Variants in CELF2 observed in about 807,000 individuals in gnomAD.
CELF2 encodes CUGBP Elav-like family member 2, also known as CUG triplet repeat RNA-binding protein 2.
A neutral mutation model predicts 62.6 loss-of-function variants in CELF2; 8 were observed. The ratio of observed to expected loss-of-function variants is 0.13; its 90% CI spans 0.07 to 0.23. The LOEUF is 0.23. CELF2 is among the 10% of genes least tolerant of loss of function. The pLI is 1.00. For missense variants in CELF2, 333 were observed against 671.0 expected (o/e 0.50, Z 5.56); for synonymous variants, 258 against 250.0 (o/e 1.03, Z -0.30).
the CELF2 span, among the ~76,000 whole-genome samples, chr10:10,674,853 TATA>T: frequency 6.6e-6 from 1 of 152,186 alleles, no homozygotes; most frequent in Non-Finnish European, 1.5e-5. Context: ...GTGAATACCT[TATA>T]ATAACAAAAC....
chr10:10,500,565 C>A, the CELF2 span, among the ~76,000 whole-genome samples: 147,559 of 152,270 alleles, frequency 0.97, 71,655 homozygotes, highest in Non-Finnish European at 1. Flanking sequence ...TTTTGCCTTC[C>A]ACCATGATTG....
In CELF2 at chr10:11,321,901, T is replaced by C. The variant is rs759305447; in HGVS notation, c.1294+515T>C. ...AAGGGTTATGGCATCTCTGCAGATC[T>C]AAGTCCAGGAAAGTTGATCACCTTT... On this transcript the variant is annotated intron_variant, in intron 11 of 12. Transcript: ENST00000633077. This position sits in a 1 kb window ranked among gnomAD's most constrained non-coding sequence, Gnocchi z 6.2. Among the ~76,000 whole-genome samples the C allele has an allele frequency of 1.9e-4, 29 of 152,330 alleles. No homozygotes were observed. Among genetic ancestry groups the C allele is most frequent in the Non-Finnish European group, 3.4e-4 (23 of 68,032 alleles).
intron 3 of CELF2, among the ~76,000 whole-genome samples, chr10:11,234,410 C>G (rs149255607): frequency 6.6e-6 from 1 of 152,182 alleles, no homozygotes; most frequent in East Asian, 1.9e-4. Context: ...TGGCTGGGCG[C>G]GGTGGCTCAC....
chr10:10,594,310 A>G, the CELF2 span, among the ~76,000 whole-genome samples: 1 of 152,206 alleles, frequency 6.6e-6, no homozygotes, highest in South Asian at 2.1e-4. Flanking sequence ...ATTTAGAAAG[A>G]AAAAGTGATT....
chr10:10,780,166 T>C, the CELF2 span, among the ~76,000 whole-genome samples: 1 of 152,384 alleles, frequency 6.6e-6, no homozygotes, highest in South Asian at 2.1e-4. Context: ...TTTTCAATCA[T>C]GAACTTGGAC....
rs553559906 is a variant in CELF2 at position 10,979,373 on chromosome 10, T to C, written c.89+59374T>C. Among the ~76,000 whole-genome samples, 4 of 152,204 alleles carry C rather than the reference T, an allele frequency of 2.6e-5. No homozygotes were observed. The East Asian group carries it at 7.7e-4, about 29-fold the overall frequency. ...TAATTATGAGTGATAATAATTCTAA[T>C]AAAAATTACATCAGAAGCCTGACGC... On this transcript the variant is annotated intron_variant, in intron 2 of 13. Transcript: ENST00000636488.
the CELF2 span, among the ~76,000 whole-genome samples, chr10:10,770,555 G>A: frequency 6.6e-6 from 1 of 151,978 alleles, no homozygotes; most frequent in South Asian, 2.1e-4. Flanking sequence ...TAAATAGGAA[G>A]GAGGAAACAG....
At chr10:10,732,803 C>T in the CELF2 span, among the ~76,000 whole-genome samples, 53 of 152,278 alleles carry the variant, frequency 3.5e-4, no homozygotes, top group East Asian at 8.9e-3. Flanking sequence ...GGATTACAGG[C>T]GTGAGCCACC....
At chr10:11,292,114 C>G (rs1388682529) in intron 9 of CELF2, among the ~76,000 whole-genome samples, 1 of 152,082 alleles carries the variant, frequency 6.6e-6, no homozygotes, top group African/African-American at 2.4e-5. Context: ...TTTTTTCATT[C>G]CCACCATTGA....
At chr10:11,313,135 G>T (rs1591309620) in intron 9 of CELF2, among the ~76,000 whole-genome samples, 1 of 152,174 alleles carries the variant, frequency 6.6e-6, no homozygotes, top group South Asian at 2.1e-4. Flanking sequence ...AAAACAGCCG[G>T]CTTTCTTACA....
intron 1 of CELF2, among the ~76,000 whole-genome samples, chr10:10,807,748 T>C (rs2055382324): frequency 6.6e-6 from 1 of 152,214 alleles, no homozygotes; most frequent in African/African-American, 2.4e-5. Flanking sequence ...TAAAACATAA[T>C]AATCATTCCT....
At chr10:10,499,440 T>A in the CELF2 span, among the ~76,000 whole-genome samples, 1 of 152,172 alleles carries the variant, frequency 6.6e-6, no homozygotes, top group Non-Finnish European at 1.5e-5. Context: ...CTAAACTTAC[T>A]AGTAATTCAC....
the CELF2 span, among the ~76,000 whole-genome samples, chr10:10,775,799 T>C: frequency 6.6e-6 from 1 of 152,196 alleles, no homozygotes; most frequent in Non-Finnish European, 1.5e-5. Context: ...TGTAAAGAGA[T>C]CATTCTGGTT....
the CELF2 span, among the ~76,000 whole-genome samples, chr10:10,728,109 G>A: frequency 6.6e-5 from 10 of 151,560 alleles, no homozygotes; most frequent in African/African-American, 2.4e-4. Context: ...CTTGAAAAAT[G>A]AGAATGATTT....
chr10:10,874,705 G>C (rs1009438854), intron 1 of CELF2, among the ~76,000 whole-genome samples: 3 of 152,082 alleles, frequency 2.0e-5, no homozygotes, highest in Non-Finnish European at 4.4e-5. Context: ...ATTCCTGAAG[G>C]CTCAACTCAA....
At chr10:10,941,456 G>C (rs1232767711) in intron 2 of CELF2, among the ~76,000 whole-genome samples, 1 of 152,156 alleles carries the variant, frequency 6.6e-6, no homozygotes, top group African/African-American at 2.4e-5. Context: ...TTAATTTCTG[G>C]TTGGCAGTGG....
intron 1 of CELF2, among the ~76,000 whole-genome samples, chr10:10,810,801 C>T (rs190814328): frequency 5.9e-5 from 9 of 152,288 alleles, no homozygotes; most frequent in East Asian, 3.9e-4. Flanking sequence ...TGAGTGCCAT[C>T]GTGGTGGAGC....
the CELF2 span, among the ~76,000 whole-genome samples, chr10:10,742,756 C>T: frequency 9.2e-5 from 14 of 152,180 alleles, no homozygotes; most frequent in East Asian, 2.5e-3. Flanking sequence ...GGCTAGCCAG[C>T]CTCACCTTTT....
intron 2 of CELF2, among the ~76,000 whole-genome samples, chr10:10,992,385 G>C (rs1592819650): frequency 6.6e-6 from 1 of 152,148 alleles, no homozygotes; most frequent in South Asian, 2.1e-4. Flanking sequence ...AAACACACAA[G>C]CACATTTAAC....
Sources: gnomAD v4.1 joint callset for allele counts (sites outside exome capture counted in the v4.1 genomes callset) on GRCh38, gnomAD v4.1.1 for gene constraint, Gnocchi (gnomAD v3.1) non-coding constraint, MANE v1.5 for transcripts, NCBI Gene and HGNC (gene_info 2026-07-23, HGNC 2026-07-21) for gene names.